RSPO4: variants seen among roughly 807,000 people sequenced by gnomAD.
The protein encoded by RSPO4 is R-spondin 4, also known as R-spondin-4.
In RSPO4, 23 loss-of-function variants were observed where a neutral mutation model predicts 24.8. That is an observed-to-expected ratio of 0.93 (90% CI 0.67 to 1.31). RSPO4 has a LOEUF of 1.31. Ranked by LOEUF, RSPO4 falls within the 40% of genes most tolerant of loss-of-function variation. The pLI is 0.00. For missense variants in RSPO4, 333 were observed against 316.5 expected, an observed-to-expected ratio of 1.05 and a Z score of -0.39; for synonymous variants, 141 against 127.4, an observed-to-expected ratio of 1.11 and a Z score of -0.72.
rs1187964094 is a variant in RSPO4 at position 979,986 on chromosome 20, G to A, written c.80-11848C>T. ...ATGAGTTCCAGGAAGGCAGGGATGA[G>A]CCACGGCACACTGGACCTTCTCACT... is the stretch of plus-strand genomic sequence containing the variant. On this transcript the variant is annotated intron_variant, in intron 1 of 4. Coordinates refer to ENST00000217260, the MANE Select transcript of RSPO4 (RefSeq NM_001029871.4). Among the ~76,000 whole-genome samples, 5 of 152,168 alleles carry A rather than the reference G, an allele frequency of 3.3e-5. No homozygotes were observed. The East Asian group carries it at 7.7e-4, about 23-fold the overall frequency.
intron 1 of RSPO4, among the ~76,000 whole-genome samples, chr20:991,042 C>T (rs1985084580): frequency 6.6e-6 from 1 of 152,196 alleles, no homozygotes; most frequent in South Asian, 2.1e-4. Flanking sequence ...TGGAAGAATC[C>T]CTCGCGGGAA....
At chr20:988,482 A>G (rs1016967252) in intron 1 of RSPO4, among the ~76,000 whole-genome samples, 2 of 152,162 alleles carry the variant, frequency 1.3e-5, no homozygotes, top group Non-Finnish European at 2.9e-5. Flanking sequence ...CATGAAGATT[A>G]AAGGGTAAGT....
chr20:968,022 A>C lies in RSPO4; in HGVS notation c.196T>G (p.Tyr66Asp). 6.2e-7 allele frequency: 1 copy of C among 1,614,238 alleles called. No homozygotes were observed. Among genetic ancestry groups the C allele is most frequent in the Non-Finnish European group, 8.5e-7 (1 of 1,180,040 alleles). The change falls in exon 2 of 5, where the codon TAC becomes GAC. Residue 66 changes from tyrosine to aspartate, a missense_variant. Tyr to Asp is a radical substitution (Grantham distance 160). Transcript: ENST00000217260. ...LFIRREGIRQ[Y>D]GKCLHDCPPG... is the part of the protein sequence containing the mutation. Reference sequence around the variant, plus strand: ...GGACAGTCGTGCAGGCACTTGCCGTACTGGCGGATGCCTTCCCGGCGGATG... The same window carrying C: ...GGACAGTCGTGCAGGCACTTGCCGTCCTGGCGGATGCCTTCCCGGCGGATG...
At chr20:999,910 C>T (rs1428763575) in intron 1 of RSPO4, among the ~76,000 whole-genome samples, 1 of 152,046 alleles carries the variant, frequency 6.6e-6, no homozygotes, top group Non-Finnish European at 1.5e-5. Flanking sequence ...ACTCTGACAC[C>T]CAGGCTGGAG....
intron 1 of RSPO4, among the ~76,000 whole-genome samples, chr20:991,915 G>A (rs1396673134): frequency 6.6e-6 from 1 of 152,098 alleles, no homozygotes; most frequent in Non-Finnish European, 1.5e-5. Context: ...TCAAAGGAGA[G>A]CAAGGTCTTG....
chr20:997,704 G>A (rs1985339334), intron 1 of RSPO4, among the ~76,000 whole-genome samples: 1 of 152,216 alleles, frequency 6.6e-6, no homozygotes, highest in Admixed American at 6.5e-5. Flanking sequence ...AGACAGTGCT[G>A]TCTGCCTGGC....
chr20:967,042 G>A, intron 3 of RSPO4, 132 bp downstream of exon 3: 4 of 816,596 alleles, frequency 4.9e-6, no homozygotes, highest in Non-Finnish European at 7.6e-6. Flanking sequence ...TACCTGACAT[G>A]GTGGTGCTGG....
chr20:978,063 C>T (rs140370363), intron 1 of RSPO4, among the ~76,000 whole-genome samples: 5 of 152,270 alleles, frequency 3.3e-5, no homozygotes, highest in Non-Finnish European at 7.4e-5. Context: ...CTGGAGATGA[C>T]TCCCAGCTTA....
chr20:991,254 T>C (rs1985091874), intron 1 of RSPO4, among the ~76,000 whole-genome samples: 1 of 152,202 alleles, frequency 6.6e-6, no homozygotes, highest in African/African-American at 2.4e-5. Flanking sequence ...GGGTGACTTC[T>C]TGTAAGACCT....
At chr20:972,371 C>G (rs1984433562) in intron 1 of RSPO4, among the ~76,000 whole-genome samples, 1 of 152,202 alleles carries the variant, frequency 6.6e-6, no homozygotes, top group African/African-American at 2.4e-5. Flanking sequence ...CGGCTGGAAC[C>G]CTGATATTAA....
Position 981,320 on chromosome 20 carries a change from T to C in RSPO4, c.80-13182A>G, listed in dbSNP as rs1213406750. ...CAGGTAGATCATAGGAGGCCCGGAGTTCGAGACCAGCCTGGCCAACATGGC... is the reference window on the plus strand; with the variant it reads ...CAGGTAGATCATAGGAGGCCCGGAGCTCGAGACCAGCCTGGCCAACATGGC... On this transcript the variant is annotated intron_variant, in intron 1 of 4. Transcript: ENST00000217260. This position sits in a 1 kb window ranked among gnomAD's most constrained non-coding sequence, Gnocchi z 4.6. 6.6e-6 allele frequency among the ~76,000 whole-genome samples: 1 copy of C among 151,762 alleles called. No homozygotes were observed. Among genetic ancestry groups the C allele is most frequent in the East Asian group, 1.9e-4 (1 of 5,156 alleles).
chr20:979,226 C>T (rs1364741439), intron 1 of RSPO4, among the ~76,000 whole-genome samples: 1 of 152,168 alleles, frequency 6.6e-6, no homozygotes, highest in Non-Finnish European at 1.5e-5. Flanking sequence ...GCCATGCTGG[C>T]CTCATCCTCC....
At chr20:976,347 G>A (rs1007219051) in intron 1 of RSPO4, among the ~76,000 whole-genome samples, 4 of 152,196 alleles carry the variant, frequency 2.6e-5, no homozygotes, top group Non-Finnish European at 5.9e-5. Flanking sequence ...CAGGGACATG[G>A]TCTTTTGCCC....
In RSPO4 at chr20:977,625, TAG is replaced by T. The variant is rs566155248; in HGVS notation, c.80-9489_80-9488del. 2.2e-3 allele frequency among the ~76,000 whole-genome samples: 332 copies of T among 152,182 alleles called. 2 individuals are homozygous for T. The highest frequency in any genetic ancestry group is 0.014 in the Middle Eastern group (4 of 294). On this transcript the variant is annotated intron_variant, in intron 1 of 4. Coordinates refer to ENST00000217260, the MANE Select transcript of RSPO4 (RefSeq NM_001029871.4). ...GTTTTGATGCCAACATTTTTGGGGG[TAG>T]AGTTTCTTCATAATTGGGGTGTGCC... is the stretch of plus-strand genomic sequence containing the variant.
At chr20:965,906 G>C (rs770566849) in intron 3 of RSPO4, among the ~76,000 whole-genome samples, 5 of 152,206 alleles carry the variant, frequency 3.3e-5, no homozygotes, top group Non-Finnish European at 5.9e-5. Context: ...AGATGCTCTA[G>C]TAGATATTTT....
In RSPO4 at chr20:959,975, A is replaced by C. The variant is rs1266419782; in HGVS notation, c.*382T>G. On this transcript the variant is annotated 3_prime_UTR_variant, in exon 5 of 5. Coordinates refer to ENST00000217260, the MANE Select transcript of RSPO4 (RefSeq NM_001029871.4). Reference sequence around the variant, plus strand: ...TTAAGTTGTAGATAGAGAAAGCTGCAGGGGAGGGCACAGGCTCATGGTCCC... The same window carrying C: ...TTAAGTTGTAGATAGAGAAAGCTGCCGGGGAGGGCACAGGCTCATGGTCCC... The C allele has an allele frequency of 4.2e-6, 1 of 235,846 alleles. No homozygotes were observed. Among genetic ancestry groups the C allele is most frequent in the Non-Finnish European group, 8.3e-6 (1 of 120,244 alleles). 14.6% of individuals were successfully genotyped at this position (235,846 alleles called of 1,614,324 possible).
Position 970,431 on chromosome 20 carries a change from C to T in RSPO4, c.80-2293G>A, listed in dbSNP as rs185648131. 1.8e-4 allele frequency among the ~76,000 whole-genome samples: 28 copies of T among 152,202 alleles called. No homozygotes were observed. The highest frequency in any genetic ancestry group is 6.2e-4 in the South Asian group (3 of 4,828). Reference sequence around the variant, plus strand: ...GGAGGCTTACTGATCCAGGGTCGTACGGAAGCACACAGTAACTAAAGTGTA... The same window carrying T: ...GGAGGCTTACTGATCCAGGGTCGTATGGAAGCACACAGTAACTAAAGTGTA... On this transcript the variant is annotated intron_variant, in intron 1 of 4. Coordinates refer to ENST00000217260, the MANE Select transcript of RSPO4 (RefSeq NM_001029871.4). This position sits in a 1 kb window ranked among gnomAD's most constrained non-coding sequence, Gnocchi z 4.1.
chr20:975,292 C>T (rs1417059003), intron 1 of RSPO4, among the ~76,000 whole-genome samples: 2 of 152,186 alleles, frequency 1.3e-5, no homozygotes, highest in Admixed American at 6.5e-5. Flanking sequence ...TGGCCTCTGT[C>T]GCTGTCCTCT....
intron 1 of RSPO4, among the ~76,000 whole-genome samples, chr20:994,620 A>T (rs1404025736): frequency 1.3e-5 from 2 of 152,142 alleles, no homozygotes; most frequent in East Asian, 3.9e-4. Flanking sequence ...GCAGCAGTGC[A>T]ATCTCAGCTC....
Sources: allele counts gnomAD v4.1 joint callset (sites outside exome capture counted in the v4.1 genomes callset), GRCh38; gene constraint gnomAD v4.1.1; non-coding constraint Gnocchi (gnomAD v3.1); transcripts MANE v1.5; gene names NCBI Gene and HGNC (gene_info 2026-07-23, HGNC 2026-07-21).